The following VAX2 variants were observed in gnomAD, a reference collection of about 807,000 sequenced individuals.
VAX2 encodes the protein ventral anterior homeobox 2.
Under a neutral mutation model 12.5 loss-of-function variants are expected in VAX2, and 8 were observed. The ratio of observed to expected loss-of-function variants is 0.64; its 90% CI spans 0.37 to 1.15. The LOEUF (loss-of-function observed/expected upper bound fraction) is 1.15, where lower values mean the gene tolerates loss of function less well. VAX2 is among the 50% of genes most tolerant of loss of function. The pLI, the probability that VAX2 is intolerant of heterozygous loss-of-function variation, is 0.01. For missense variants in VAX2, 476 were observed against 412.9 expected, an observed-to-expected ratio of 1.15 and a Z score of -1.32; for synonymous variants, 183 against 187.6, an observed-to-expected ratio of 0.98 and a Z score of 0.20.
At chr2:70,913,730 T>C (rs1679247661) in intron 1 of VAX2, among the ~76,000 whole-genome samples, 1 of 151,852 alleles carries the variant, frequency 6.6e-6, no homozygotes, top group African/African-American at 2.4e-5. Context: ...TAACTTTACA[T>C]TTATTATCTG....
At chr2:70,902,726 A>G (rs550043977) in intron 1 of VAX2, among the ~76,000 whole-genome samples, 1 of 152,344 alleles carries the variant, frequency 6.6e-6, no homozygotes, top group African/African-American at 2.4e-5. Flanking sequence ...ACTCATAGGA[A>G]GTGGAATTCA....
At chr2:70,916,474 T>TA (rs1679307450) in intron 1 of VAX2, among the ~76,000 whole-genome samples, 1 of 152,214 alleles carries the variant, frequency 6.6e-6, no homozygotes, top group African/African-American at 2.4e-5. Flanking sequence ...ACAGCCATGA[T>TA]ACAGTACTGT....
At chr2:70,922,670 G>T (rs1339908506) in intron 2 of VAX2, among the ~76,000 whole-genome samples, 1 of 152,040 alleles carries the variant, frequency 6.6e-6, no homozygotes, top group Non-Finnish European at 1.5e-5. Flanking sequence ...AGGCCGGGAG[G>T]AGGGGAAGGC....
intron 1 of VAX2, among the ~76,000 whole-genome samples, chr2:70,902,174 G>C (rs1459900330): frequency 2.0e-5 from 3 of 152,230 alleles, no homozygotes; most frequent in Non-Finnish European, 4.4e-5. Context: ...GCTGGGTGTG[G>C]GTGGCACTGG....
intron 1 of VAX2, among the ~76,000 whole-genome samples, chr2:70,905,475 A>G (rs1291806898): frequency 2.7e-5 from 4 of 148,662 alleles, no homozygotes; most frequent in Admixed American, 2.7e-4. Flanking sequence ...CCCTTCCATA[A>G]CCCTTACCCC....
chr2:70,918,880 A>T (rs1679373119), intron 1 of VAX2, among the ~76,000 whole-genome samples: 1 of 150,728 alleles, frequency 6.6e-6, no homozygotes, highest in Non-Finnish European at 1.5e-5. Flanking sequence ...AAAAAAAAAA[A>T]AAGAATTACC....
chr2:70,929,498 C>G (rs1679645501), intron 2 of VAX2, among the ~76,000 whole-genome samples: 1 of 152,102 alleles, frequency 6.6e-6, no homozygotes, highest in Non-Finnish European at 1.5e-5. Context: ...ACCAGCCTGG[C>G]CAACATGGTG....
chr2:70,917,732 G>A (rs916389686), intron 1 of VAX2, among the ~76,000 whole-genome samples: 7 of 123,238 alleles, frequency 5.7e-5, no homozygotes, highest in Non-Finnish European at 1.2e-4. Context: ...GCACTTGGCT[G>A]CTCCCTGAGG....
intron 1 of VAX2, among the ~76,000 whole-genome samples, chr2:70,917,152 A>AG (rs386390434): frequency 0.018 from 176 of 9,586 alleles, no homozygotes; most frequent in African/African-American, 0.15. Flanking sequence ...ACTCTGTCTC[A>AG]AAAAAAAAAA....
chr2:70,929,491 A>G (rs1406580677), intron 2 of VAX2, among the ~76,000 whole-genome samples: 3 of 151,838 alleles, frequency 2.0e-5, no homozygotes, highest in Non-Finnish European at 4.4e-5. Flanking sequence ...GTTCGAGACC[A>G]GCCTGGCCAA....
intron 2 of VAX2, among the ~76,000 whole-genome samples, chr2:70,922,659 C>A (rs566915063): frequency 1.3e-5 from 2 of 149,352 alleles, no homozygotes; most frequent in Non-Finnish European, 3.0e-5. Flanking sequence ...GGAGGAGGGG[C>A]AGGCCGGGAG....
chr2:70,932,810 A>G lies in VAX2; in HGVS notation c.479A>G (p.Asp160Gly), dbSNP rs782613754. The G allele has an allele frequency of 2.1e-5, 33 of 1,606,122 alleles. No homozygotes were observed. In the Admixed American group the frequency reaches 5.6e-4, roughly 27 times the overall value. The stretch of plus-strand genomic sequence containing the variant: ...AACCGCCGCACCAAGCAGAAGAAAG[A>G]CCAGAGCAGAGACCTGGAGAAGCGG... ...FQNRRTKQKK[D>G]QSRDLEKRAS... Residue 160 changes from aspartate to glycine, a missense_variant, in exon 3 of 3, where the codon GAC becomes GGC. Physicochemically the swap from Asp to Gly is moderately conservative, Grantham distance 94 (BLOSUM62 -1). Transcript: ENST00000234392.
chr2:70,913,224 A>G (rs1679229202), intron 1 of VAX2, among the ~76,000 whole-genome samples: 2 of 152,316 alleles, frequency 1.3e-5, no homozygotes, highest in South Asian at 2.1e-4. Flanking sequence ...TCCTGCTTCC[A>G]AGACCATCAC....
At chr2:70,901,097 T>G (rs983850941) in intron 1 of VAX2, among the ~76,000 whole-genome samples, 1 of 152,376 alleles carries the variant, frequency 6.6e-6, no homozygotes, top group South Asian at 2.1e-4. Context: ...TCTCCGCCTC[T>G]CGGGCCAGTC....
intron 2 of VAX2, 87 bp from the exon 3 acceptor site, chr2:70,932,680 C>T: frequency 2.6e-6 from 2 of 755,862 alleles, no homozygotes; most frequent in South Asian, 2.5e-5. Context: ...AACCCCATGC[C>T]CTTCCTCTCC....
chr2:70,932,947 A>G lies in VAX2; in HGVS notation c.616A>G (p.Ser206Gly). The G allele has an allele frequency of 6.2e-7, 1 of 1,612,522 alleles. No homozygotes were observed. The highest frequency in any genetic ancestry group is 8.5e-7 in the Non-Finnish European group (1 of 1,179,432). Residue 206 changes from serine (S) to glycine (G), a missense_variant, in exon 3 of 3, where the codon AGC becomes GGC. Physicochemically the swap from Ser to Gly is moderately conservative, Grantham distance 56 (BLOSUM62 0). Transcript: ENST00000234392. Reference sequence around the variant, plus strand: ...CCCTAGCCTCCTGGCGCTGACCCCTAGCCTGCCAGGCCTACCTGCCAGCCA... The same window carrying G: ...CCCTAGCCTCCTGGCGCTGACCCCTGGCCTGCCAGGCCTACCTGCCAGCCA... The part of the protein sequence containing the change: ...RAPSLLALTP[S>G]LPGLPASHRG...
Position 70,921,240 on chromosome 2 carries a change from C to G in VAX2, c.390C>G (p.Arg130=). Residue 130 remains arginine, a synonymous_variant, in exon 2 of 3, where the codon CGC becomes CGG. Coordinates refer to ENST00000234392, the MANE Select transcript of VAX2 (RefSeq NM_012476.3). ...AGCGCTGCCAGTATGTGGTGGGCCG[C>G]GAGCGCACTGAGCTGGCCCGCCAGC... ...EFQRCQYVVG[R]ERTELARQLN... The G allele has an allele frequency of 6.2e-7, 1 of 1,613,174 alleles. No homozygotes were observed. The highest frequency in any genetic ancestry group is 8.5e-7 in the Non-Finnish European group (1 of 1,179,748).
intron 2 of VAX2, among the ~76,000 whole-genome samples, chr2:70,922,741 T>A (rs1553413024): frequency 6.6e-6 from 1 of 151,544 alleles, no homozygotes; most frequent in Non-Finnish European, 1.5e-5. Context: ...CACTTGTTTT[T>A]CCCCAGCTGC....
At chr2:70,925,671 A>G (rs1318268177) in intron 2 of VAX2, among the ~76,000 whole-genome samples, 2 of 152,200 alleles carry the variant, frequency 1.3e-5, no homozygotes, top group African/African-American at 4.8e-5. Context: ...AAGTGCCCTC[A>G]GATAATGGAT....
Sources: gnomAD v4.1 joint callset for allele counts (sites outside exome capture counted in the v4.1 genomes callset) on GRCh38, gnomAD v4.1.1 for gene constraint, MANE v1.5 for transcripts, NCBI Gene and HGNC (gene_info 2026-07-23, HGNC 2026-07-21) for gene names.